The following PAPPA2 variants were observed in gnomAD, a reference collection of about 807,000 sequenced individuals.
The protein encoded by PAPPA2 is pappalysin 2.
A neutral mutation model predicts 176.4 loss-of-function variants in PAPPA2; 86 were observed. That is an observed-to-expected ratio of 0.49 (90% CI 0.41 to 0.58). The LOEUF is 0.58. PAPPA2 is among the 20% of genes least tolerant of loss of function. The probability of loss-of-function intolerance (pLI) is 0.00; values close to 1 mark genes in which losing one functional copy is unlikely to be tolerated. For synonymous variants in PAPPA2, 809 were observed against 852.2 expected, an observed-to-expected ratio of 0.95 and a Z score of 0.88; for missense variants, 2,073 against 2,256.9, an observed-to-expected ratio of 0.92 and a Z score of 1.65.
rs1449573715 is a variant in PAPPA2, at chr1:176,658,227, G to A, written c.1992-12743G>A. Among the ~76,000 whole-genome samples, 4 of 151,968 alleles carry A rather than the reference G, an allele frequency of 2.6e-5. 1 individual carries two copies. Among genetic ancestry groups the A allele is most frequent in the South Asian group, 4.2e-4 (2 of 4,818 alleles). On this transcript the variant is annotated intron_variant, in intron 3 of 22. Transcript: ENST00000367662. ...TCTAAGTTCTTTATTGTGTAATAAA[G>A]GGTATCAAGAGTAAACAGAGGAACA... is the stretch of plus-strand genomic sequence containing the variant.
At chr1:176,720,350 A>C (rs1352618427) in intron 12 of PAPPA2, among the ~76,000 whole-genome samples, 1 of 152,170 alleles carries the variant, frequency 6.6e-6, no homozygotes, top group Non-Finnish European at 1.5e-5. Flanking sequence ...TTTTCTTTGT[A>C]ATCATATTTA....
chr1:176,471,656 C>T (rs1397761646), intron 1 of PAPPA2, among the ~76,000 whole-genome samples: 1 of 152,176 alleles, frequency 6.6e-6, no homozygotes, highest in Non-Finnish European at 1.5e-5. Context: ...TTCACCACAA[C>T]TTTAGTTGTG....
chr1:176,597,817 G>T (rs990379607), intron 3 of PAPPA2, among the ~76,000 whole-genome samples: 2 of 152,128 alleles, frequency 1.3e-5, no homozygotes, highest in Admixed American at 1.3e-4. Flanking sequence ...GAGAAAGTCT[G>T]GTCTCCTAGT....
At chr1:176,531,582 C>A (rs1649808897) in intron 1 of PAPPA2, among the ~76,000 whole-genome samples, 1 of 152,128 alleles carries the variant, frequency 6.6e-6, no homozygotes, top group Admixed American at 6.5e-5. Flanking sequence ...AGCAAACCGG[C>A]CACTGTTCCA....
chr1:176,806,067 C>T (rs1345633830), intron 21 of PAPPA2, among the ~76,000 whole-genome samples: 2 of 149,732 alleles, frequency 1.3e-5, no homozygotes, highest in South Asian at 2.1e-4. Flanking sequence ...TTATTATACA[C>T]TGCAAGTATC....
chr1:176,636,722 A>C (rs1265320341), intron 3 of PAPPA2, among the ~76,000 whole-genome samples: 1 of 152,128 alleles, frequency 6.6e-6, no homozygotes, highest in African/African-American at 2.4e-5. Flanking sequence ...GGTGATTGTG[A>C]TCCTTGAAAA....
chr1:176,495,798 AT>A (rs112623029), intron 1 of PAPPA2, among the ~76,000 whole-genome samples: 70 of 146,702 alleles, frequency 4.8e-4, no homozygotes, highest in East Asian at 1.4e-3. Flanking sequence ...TTTGGTGTGA[AT>A]TTTTTTTTTT....
chr1:176,734,435 G>A (rs959186598), intron 12 of PAPPA2, among the ~76,000 whole-genome samples: 1 of 151,670 alleles, frequency 6.6e-6, no homozygotes, highest in Non-Finnish European at 1.5e-5. Context: ...AACTCATGAT[G>A]TGTTTGTAGC....
At chr1:176,615,449 T>A (rs1397388621) in intron 3 of PAPPA2, among the ~76,000 whole-genome samples, 2 of 152,210 alleles carry the variant, frequency 1.3e-5, no homozygotes, top group Non-Finnish European at 2.9e-5. Flanking sequence ...TAGCTGGGAC[T>A]ACAGGTGCCT....
intron 1 of PAPPA2, among the ~76,000 whole-genome samples, chr1:176,517,907 A>G (rs1478416328): frequency 6.6e-6 from 1 of 152,180 alleles, no homozygotes; most frequent in East Asian, 1.9e-4. Flanking sequence ...AGGTTTCAGT[A>G]GTTCTAGAGT....
chr1:176,815,087 A>G (rs759760387), intron 21 of PAPPA2, among the ~76,000 whole-genome samples: 9 of 152,094 alleles, frequency 5.9e-5, no homozygotes, highest in Non-Finnish European at 1.0e-4. Flanking sequence ...CTTATTTTTT[A>G]AAGTATATAT....
chr1:176,487,179 A>G (rs1367501027), intron 1 of PAPPA2, among the ~76,000 whole-genome samples: 2 of 149,512 alleles, frequency 1.3e-5, no homozygotes, highest in East Asian at 1.9e-4. Flanking sequence ...AAAATAAGCA[A>G]TTCTAAAAAG....
At position 176,594,820 on chromosome 1, in the gene PAPPA2, T is replaced by C; in HGVS notation, c.1216T>C (p.Leu406=). 1 of 1,614,196 alleles carries C rather than the reference T, an allele frequency of 6.2e-7. No homozygotes were observed. The highest frequency in any genetic ancestry group is 8.5e-7 in the Non-Finnish European group (1 of 1,180,026). Residue 406 remains leucine, a synonymous_variant, in exon 3 of 23, where the codon TTG becomes CTG. Transcript: ENST00000367662. The part of the protein sequence containing the change: ...NSPFMASCRS[L]LLGGDSSEDG... Reference sequence around the variant, plus strand: ...CCCCTTCATGGCATCTTGCCGCTCTTTGCTCCTGGGGGGAGACAGCTCTGA... The same window carrying C: ...CCCCTTCATGGCATCTTGCCGCTCTCTGCTCCTGGGGGGAGACAGCTCTGA...
At chr1:176,800,156 A>G (rs373154375) in intron 21 of PAPPA2, 24 bp downstream of exon 21, 78 of 1,611,264 alleles carry the variant, frequency 4.8e-5, no homozygotes, top group Admixed American at 8.3e-5. Flanking sequence ...CCCTTCCCCA[A>G]CTCAGACTAG....
chr1:176,790,089 G>A (rs1291327027), intron 18 of PAPPA2, 112 bp downstream of exon 18: 1 of 1,261,780 alleles, frequency 7.9e-7, no homozygotes, highest in Non-Finnish European at 1.1e-6. Flanking sequence ...GCAGGGACTT[G>A]GGATTCTAAT....
chr1:176,817,400 G>A (rs1211671794), intron 21 of PAPPA2, among the ~76,000 whole-genome samples: 2 of 152,118 alleles, frequency 1.3e-5, no homozygotes, highest in African/African-American at 4.8e-5. Context: ...TGCTTGGGAT[G>A]TAAACTTTTT....
intron 1 of PAPPA2, among the ~76,000 whole-genome samples, chr1:176,543,164 G>C (rs892119612): frequency 1.3e-5 from 2 of 152,098 alleles, no homozygotes; most frequent in African/African-American, 4.8e-5. Flanking sequence ...CGTCGTCTTG[G>C]GGGTGGCACT....
rs552973719 is a variant in PAPPA2 at position 176,692,608 on chromosome 1, A to T, written c.2624+290A>T. On this transcript the variant is annotated intron_variant, in intron 6 of 22. Transcript: ENST00000367662. ...TGGCAGAACGGAGAGGGCATCTGCC[A>T]TTTGTCTCTGTCAGCTGTTCCTCTG... 2.6e-5 allele frequency among the ~76,000 whole-genome samples: 4 copies of T among 152,234 alleles called. No homozygotes were observed. In the East Asian group the frequency reaches 7.7e-4, roughly 29 times the overall value.
At chr1:176,813,880 A>G (rs1218544617) in intron 21 of PAPPA2, among the ~76,000 whole-genome samples, 2 of 152,130 alleles carry the variant, frequency 1.3e-5, no homozygotes, top group African/African-American at 4.8e-5. Context: ...GTTGAATGGT[A>G]TTGCCTAGAT....
Sources: allele counts gnomAD v4.1 joint callset (sites outside exome capture counted in the v4.1 genomes callset), GRCh38; gene constraint gnomAD v4.1.1; transcripts MANE v1.5; gene names NCBI Gene and HGNC (gene_info 2026-07-23, HGNC 2026-07-21).